Variants in PCDHGA4 observed in about 807,000 individuals in gnomAD.
The protein encoded by PCDHGA4 is protocadherin gamma-A4.
Under a neutral mutation model 54.6 loss-of-function variants are expected in PCDHGA4, and 38 were observed. The observed-to-expected ratio is 0.70, with a 90% CI of 0.54 to 0.91. PCDHGA4 has a LOEUF of 0.91. Ranked by LOEUF, PCDHGA4 falls within the 40% of genes least tolerant of loss-of-function variation. The pLI, the probability that PCDHGA4 is intolerant of heterozygous loss-of-function variation, is 0.00. For synonymous variants in PCDHGA4, 511 were observed against 512.9 expected (o/e 1.00, Z 0.05); for missense variants, 1,298 against 1,220.9 (o/e 1.06, Z -0.94).
At chr5:141,449,407 G>A (rs1367837385) in intron 1 of PCDHGA4, among the ~76,000 whole-genome samples, 2 of 151,754 alleles carry the variant, frequency 1.3e-5, no homozygotes, top group Non-Finnish European at 2.9e-5. Flanking sequence ...AGGAGTTCAA[G>A]ACCAGCCTGG....
chr5:141,409,195 T>G lies in PCDHGA4; in HGVS notation c.2514+51574T>G, dbSNP rs750681435. 3.7e-6 allele frequency: 6 copies of G among 1,613,890 alleles called. No homozygotes were observed. The African/African-American group carries it at 8.0e-5, about 22-fold the overall frequency. On this transcript the variant is annotated intron_variant, in intron 1 of 3. Transcript: ENST00000571252. Reference sequence around the variant, plus strand: ...ACGGAGGTGGTCTCTCTACCCAGTGTAAAGTAATCATAGAAATCCTTGATG... The same window carrying G: ...ACGGAGGTGGTCTCTCTACCCAGTGGAAAGTAATCATAGAAATCCTTGATG...
intron 1 of PCDHGA4, chr5:141,408,226 G>T (rs909432449): frequency 2.1e-5 from 33 of 1,562,288 alleles, no homozygotes; most frequent in Admixed American, 3.9e-5. Flanking sequence ...GCGCGCAGAG[G>T]CGCCGGGCCG....
chr5:141,371,516 A>C, intron 1 of PCDHGA4: 5 of 1,613,882 alleles, frequency 3.1e-6, no homozygotes, highest in Non-Finnish European at 4.2e-6. Context: ...CACATGATCT[A>C]GATTCTGGAT....
intron 1 of PCDHGA4, among the ~76,000 whole-genome samples, chr5:141,401,572 C>T (rs1013014550): frequency 3.3e-5 from 5 of 152,268 alleles, no homozygotes; most frequent in Middle Eastern, 3.4e-3. Flanking sequence ...TTCTCTTGCT[C>T]GGAATCCTGA....
At chr5:141,376,522 G>T in intron 1 of PCDHGA4, 1 of 1,613,784 alleles carries the variant, frequency 6.2e-7, no homozygotes, top group Non-Finnish European at 8.5e-7. Context: ...GTTTCTTTCC[G>T]CCTAAGCGGG....
intron 1 of PCDHGA4, chr5:141,421,731 C>G (rs73792198): frequency 6.2e-7 from 1 of 1,613,742 alleles, no homozygotes; most frequent in Non-Finnish European, 8.5e-7. Flanking sequence ...TGAACTCCCT[C>G]CAGAGCTACC....
intron 1 of PCDHGA4, among the ~76,000 whole-genome samples, chr5:141,429,377 G>GT (rs566693637): frequency 0.17 from 24,737 of 149,382 alleles, 2,566 homozygotes; most frequent in African/African-American, 0.31. Context: ...GAGAAAATGT[G>GT]TTTTTTTTTT....
chr5:141,398,889 C>A (rs1300521650), intron 1 of PCDHGA4: 2 of 1,613,958 alleles, frequency 1.2e-6, no homozygotes, highest in Non-Finnish European at 1.7e-6. Context: ...TTCGGGAAAA[C>A]GTGCCACCAG....
intron 1 of PCDHGA4, chr5:141,428,732 T>C (rs976924838): frequency 1.3e-5 from 2 of 159,284 alleles, no homozygotes; most frequent in African/African-American, 4.8e-5. Context: ...CTTAAACATA[T>C]TATATCTACT....
In PCDHGA4 at chr5:141,415,072, G is replaced by A. The variant is rs558067255; in HGVS notation, c.2514+57451G>A. On this transcript the variant is annotated intron_variant, in intron 1 of 3. Coordinates refer to ENST00000571252, the MANE Select transcript of PCDHGA4 (RefSeq NM_018917.4). ...GGAGCACACGGGCGAGGTGCGCACG[G>A]CGCGAGCCCTGCTGGACAGAGACGC... 6.2e-5 allele frequency: 100 copies of A among 1,613,418 alleles called. No individual in the cohort carries two copies. The East Asian group carries it at 2.0e-3, about 32-fold the overall frequency.
At chr5:141,373,722 C>T (rs1260568332) in intron 1 of PCDHGA4, among the ~76,000 whole-genome samples, 1 of 152,202 alleles carries the variant, frequency 6.6e-6, no homozygotes, top group Non-Finnish European at 1.5e-5. Flanking sequence ...CTCTTACACT[C>T]TTCTAAATGC....
At chr5:141,472,046 A>T (rs945911971) in intron 1 of PCDHGA4, among the ~76,000 whole-genome samples, 4 of 152,210 alleles carry the variant, frequency 2.6e-5, no homozygotes, top group Non-Finnish European at 4.4e-5. Context: ...AAAAGATTTT[A>T]AAAATGATTG....
intron 1 of PCDHGA4, among the ~76,000 whole-genome samples, chr5:141,451,387 T>C (rs1039738460): frequency 6.6e-6 from 1 of 152,116 alleles, no homozygotes; most frequent in African/African-American, 2.4e-5. Flanking sequence ...TCTCACATAG[T>C]TAATGGCAAA....
chr5:141,423,157 G>A (rs527921011), intron 1 of PCDHGA4: 1 of 1,610,820 alleles, frequency 6.2e-7, no homozygotes, highest in Non-Finnish European at 8.5e-7. Flanking sequence ...GCAGAGCCTC[G>A]TGGTGGCCGT....
At chr5:141,465,318 A>G (rs1440554123) in intron 1 of PCDHGA4, among the ~76,000 whole-genome samples, 1 of 152,198 alleles carries the variant, frequency 6.6e-6, no homozygotes, top group Non-Finnish European at 1.5e-5. Flanking sequence ...AGCCATGTCA[A>G]TGCAGTATTT....
At chr5:141,371,684 A>T (rs756152313) in intron 1 of PCDHGA4, 3 of 1,614,050 alleles carry the variant, frequency 1.9e-6, no homozygotes, top group Non-Finnish European at 1.7e-6. Flanking sequence ...AAGGCAATCC[A>T]CCGCTCTCCT....
chr5:141,512,866 AC>A lies in PCDHGA4; in HGVS notation c.*1694del. Reference sequence around the variant, plus strand: ...TATAAGCGCTTCTCTTCGCATAGTCACGTAGCTCCCACCCCACCCTCTTCCT... The same window carrying A: ...TATAAGCGCTTCTCTTCGCATAGTCAGTAGCTCCCACCCCACCCTCTTCCT... On this transcript the variant is annotated 3_prime_UTR_variant, in exon 4 of 4. Transcript: ENST00000571252. 1 of 152,098 alleles carries A rather than the reference AC, an allele frequency of 6.6e-6. No homozygotes were observed. Among genetic ancestry groups the A allele is most frequent in the Non-Finnish European group, 1.5e-5 (1 of 68,034 alleles). 9.4% of individuals were successfully genotyped at this position (152,098 alleles called of 1,614,324 possible).
At position 141,511,411 on chromosome 5, in the gene PCDHGA4, A is replaced by G; in HGVS notation, c.*238A>G. On this transcript the variant is annotated 3_prime_UTR_variant, in exon 4 of 4. Coordinates refer to ENST00000571252, the MANE Select transcript of PCDHGA4 (RefSeq NM_018917.4). ...GAACCCCCATCCAATCAACTGCTGT[A>G]CCCATGGGGGTAGTGGGGTTACTGT... The G allele has an allele frequency of 1.1e-6, 1 of 901,334 alleles. No homozygotes were observed. Among genetic ancestry groups the G allele is most frequent in the Non-Finnish European group, 1.6e-6 (1 of 617,750 alleles). The allele number at this position is 901,334 out of a possible 1,614,324, so 55.8% of individuals were successfully genotyped here. A position where few individuals can be genotyped will look rare whatever the true frequency, so the allele number is the denominator to read the frequency against.
rs1444171664 is a variant in PCDHGA4, at chr5:141,477,015, T to G, written c.2515-17792T>G. The G allele has an allele frequency of 1.2e-6, 2 of 1,614,210 alleles. No homozygotes were observed. Among genetic ancestry groups the G allele is most frequent in the Non-Finnish European group, 1.7e-6 (2 of 1,180,038 alleles). On this transcript the variant is annotated intron_variant, in intron 1 of 3. Coordinates refer to ENST00000571252, the MANE Select transcript of PCDHGA4 (RefSeq NM_018917.4). This position sits in a 1 kb window ranked among gnomAD's most constrained non-coding sequence, Gnocchi z 4.9. ...CGGCAACTATTCGCCTTAGACCTTG[T>G]AACCGGGATGCTGACAATCAAGGGT...
Sources: gnomAD v4.1 joint callset for allele counts (sites outside exome capture counted in the v4.1 genomes callset) on GRCh38, gnomAD v4.1.1 for gene constraint, Gnocchi (gnomAD v3.1) non-coding constraint, MANE v1.5 for transcripts, NCBI Gene and HGNC (gene_info 2026-07-23, HGNC 2026-07-21) for gene names.